SLC52A1: variants seen among roughly 807,000 people sequenced by gnomAD.
The protein encoded by SLC52A1 is solute carrier family 52, riboflavin transporter, member 1.
Under a neutral mutation model 23.2 loss-of-function variants are expected in SLC52A1, and 20 were observed. That is an observed-to-expected ratio of 0.86 (90% CI 0.61 to 1.25). The LOEUF is 1.25. Ranked by LOEUF, SLC52A1 falls within the 50% of genes most tolerant of loss-of-function variation. SLC52A1 has a pLI of 0.00. For missense variants in SLC52A1, 528 were observed against 557.0 expected (o/e 0.95, Z 0.52); for synonymous variants, 260 against 256.6 (o/e 1.01, Z -0.13).
upstream of SLC52A1, among the ~76,000 whole-genome samples, chr17:5,038,769 T>G (rs984742324): frequency 2.6e-5 from 4 of 151,890 alleles, no homozygotes; most frequent in South Asian, 2.1e-4. Flanking sequence ...TTGTATTTTT[T>G]AGTAGAGACG....
At chr17:5,041,329 T>C (rs150879344) in intron 1 of SLC52A1, among the ~76,000 whole-genome samples, 2,143 of 149,900 alleles carry the variant, frequency 0.014, 35 homozygotes, top group Non-Finnish European at 0.02. Flanking sequence ...GTTGCCCAGG[T>C]TCGAGTGCAG....
Position 5,032,883 on chromosome 17 carries a change from AC to A in SLC52A1, c.*73del. ...GTGTTGGGGGAAGCCTGCCTGGGCC[AC>A]AAGTAGTCAGGCACTGTGGCAGCCT... On this transcript the variant is annotated 3_prime_UTR_variant, in exon 5 of 5. Coordinates refer to ENST00000254853, the MANE Select transcript of SLC52A1 (RefSeq NM_017986.4). 1 of 1,392,450 alleles carries A rather than the reference AC, an allele frequency of 7.2e-7. No homozygotes were observed. The highest frequency in any genetic ancestry group is 1.0e-6 in the Non-Finnish European group (1 of 997,172). The allele number at this position is 1,392,450 out of a possible 1,614,324, so 86.3% of individuals were successfully genotyped here.
intron 1 of SLC52A1, among the ~76,000 whole-genome samples, chr17:5,042,343 G>C (rs978158816): frequency 2.6e-5 from 4 of 152,144 alleles, no homozygotes; most frequent in Non-Finnish European, 5.9e-5. Flanking sequence ...CACCACAGAT[G>C]AATGTACTGT....
In SLC52A1 at chr17:5,034,172, G is replaced by A. The variant is rs767554114; in HGVS notation, c.317C>T (p.Ala106Val). Residue 106 changes from alanine (A) to valine (V), a missense_variant, in exon 3 of 5, where the codon GCA becomes GTA. Ala to Val is a moderately conservative substitution (Grantham distance 64). Coordinates refer to ENST00000254853, the MANE Select transcript of SLC52A1 (RefSeq NM_017986.4). ...APLWHHVAPV[A>V]GQLHSVAFLT... is the part of the protein sequence containing the mutation. ...GAAGGCCACAGAGTGGAGCTGCCCT[G>A]CCACTGGGGCCACGTGGTGCCACAG... is the stretch of plus-strand genomic sequence containing the variant. 1.2e-6 allele frequency: 2 copies of A among 1,614,164 alleles called. No individual in the cohort carries two copies. The highest frequency in any genetic ancestry group is 8.5e-7 in the Non-Finnish European group (1 of 1,180,002).
intron 1 of SLC52A1, among the ~76,000 whole-genome samples, chr17:5,041,323 C>T (rs1471704959): frequency 6.6e-6 from 1 of 151,908 alleles, no homozygotes; most frequent in African/African-American, 2.4e-5. Context: ...TGCCCTGTTG[C>T]CCAGGTTCGA....
chr17:5,039,739 T>G (rs1173468116), upstream of SLC52A1, among the ~76,000 whole-genome samples: 1 of 152,174 alleles, frequency 6.6e-6, no homozygotes, highest in Non-Finnish European at 1.5e-5. Flanking sequence ...CCCAAACTGT[T>G]GGGATTACAG....
At chr17:5,034,422 G>T (rs1247646712) in intron 2 of SLC52A1, 55 bp downstream of exon 2, 1 of 1,609,054 alleles carries the variant, frequency 6.2e-7, no homozygotes, top group Non-Finnish European at 8.5e-7. Flanking sequence ...GCTGCCACAG[G>T]CCACCTTTCT....
chr17:5,037,409 C>G (rs1470720477), upstream of SLC52A1, among the ~76,000 whole-genome samples: 2 of 152,058 alleles, frequency 1.3e-5, no homozygotes, highest in Non-Finnish European at 2.9e-5. Flanking sequence ...ATCCCAGCTA[C>G]TCGGGAGGCT....
At chr17:5,038,665 C>T (rs563626268), upstream of SLC52A1, among the ~76,000 whole-genome samples, 5 of 151,974 alleles carry the variant, frequency 3.3e-5, no homozygotes, top group Admixed American at 6.6e-5. Context: ...CGGCTCACTG[C>T]AAGCTCTGCC....
upstream of SLC52A1, among the ~76,000 whole-genome samples, chr17:5,036,620 C>T (rs1597879699): frequency 6.7e-6 from 1 of 149,414 alleles, no homozygotes; most frequent in East Asian, 2.0e-4. Context: ...CCATATTGGC[C>T]AGGCTCGTCT....
At position 5,033,824 on chromosome 17, in the gene SLC52A1, G is replaced by A. The variant is rs1401950380; in HGVS notation, c.665C>T (p.Pro222Leu). ...CCCTGAGCCCCCTGTGGTTACAGAG[G>A]GTAGTGATGGCAACAGCAACAGGAG... is the stretch of plus-strand genomic sequence containing the variant. ...RGLLLLLPSL[P>L]SVTTGGSGPE... The change falls in exon 3 of 5, where the codon CCC (proline) becomes CTC (leucine). Residue 222 changes from proline (P) to leucine (L), a missense_variant. Physicochemically the swap from Pro to Leu is moderately conservative, Grantham distance 98 (BLOSUM62 -3). Coordinates refer to ENST00000254853, the MANE Select transcript of SLC52A1 (RefSeq NM_017986.4). 1.2e-6 allele frequency: 2 copies of A among 1,614,122 alleles called. No individual in the cohort carries two copies. Among genetic ancestry groups the A allele is most frequent in the Non-Finnish European group, 1.7e-6 (2 of 1,180,048 alleles).
upstream of SLC52A1, among the ~76,000 whole-genome samples, chr17:5,039,365 G>T (rs1451558175): frequency 2.0e-5 from 3 of 151,942 alleles, no homozygotes; most frequent in Admixed American, 1.3e-4. Flanking sequence ...ACCTTCCACA[G>T]GTAGGGAGCA....
In SLC52A1 at chr17:5,034,483, G is replaced by A. The variant is rs1197873123; in HGVS notation, c.124C>T (p.Pro42Ser). 2.5e-6 allele frequency: 4 copies of A among 1,614,068 alleles called. No homozygotes were observed. The African/African-American group carries it at 5.3e-5, about 22-fold the overall frequency. Residue 42 changes from proline (P) to serine (S), a missense_variant, in exon 2 of 5, where the codon CCA becomes TCA. Coordinates refer to ENST00000254853, the MANE Select transcript of SLC52A1 (RefSeq NM_017986.4). ...GTACCTCCCTCCCACTCACCCTCTGGAAGGTCTTTTACCACCACAGGCAGC... is the reference window on the plus strand; with the variant it reads ...GTACCTCCCTCCCACTCACCCTCTGAAAGGTCTTTTACCACCACAGGCAGC... ...VELPVVVKDL[P>S]EGWSLPSYLS...
chr17:5,032,609 GA>G lies in SLC52A1; in HGVS notation c.*347del, dbSNP rs1975338100. The G allele has an allele frequency of 9.8e-6, 2 of 203,268 alleles. No individual in the cohort carries two copies. Among genetic ancestry groups the G allele is most frequent in the Non-Finnish European group, 2.0e-5 (2 of 100,498 alleles). The allele number at this position is 203,268 out of a possible 1,614,324, so 12.6% of individuals were successfully genotyped here. A position where few individuals can be genotyped will look rare whatever the true frequency, so the allele number is the denominator to read the frequency against. The stretch of plus-strand genomic sequence containing the variant: ...ATTGCACACTAGATAATATATGTAT[GA>G]AAAATTATTTAATCCAGTTTCCTGA... On this transcript the variant is annotated 3_prime_UTR_variant, in exon 5 of 5. Transcript: ENST00000254853.
At chr17:5,037,523 C>T (rs565026142), upstream of SLC52A1, among the ~76,000 whole-genome samples, 20 of 152,062 alleles carry the variant, frequency 1.3e-4, no homozygotes, top group South Asian at 4.0e-3. Flanking sequence ...CATCCACCCC[C>T]CCAAACAAAA....
At chr17:5,036,300 G>A (rs1451486342), upstream of SLC52A1, among the ~76,000 whole-genome samples, 1 of 151,270 alleles carries the variant, frequency 6.6e-6, no homozygotes, top group Non-Finnish European at 1.5e-5. Context: ...AAAGTGTTGG[G>A]GATTACAGGC....
intron 1 of SLC52A1, among the ~76,000 whole-genome samples, chr17:5,042,204 C>T (rs1385938221): frequency 1.3e-5 from 2 of 152,326 alleles, no homozygotes; most frequent in East Asian, 3.9e-4. Context: ...CCTTCTGGGG[C>T]ACGGGGCTGG....
upstream of SLC52A1, among the ~76,000 whole-genome samples, chr17:5,039,173 A>C (rs1354336916): frequency 1.3e-5 from 2 of 151,290 alleles, no homozygotes; most frequent in African/African-American, 2.4e-5. Context: ...AAATACAAAA[A>C]TCAGCTGGGC....
upstream of SLC52A1, among the ~76,000 whole-genome samples, chr17:5,035,841 G>T (rs1890293160): frequency 6.8e-6 from 1 of 147,722 alleles, no homozygotes; most frequent in South Asian, 2.1e-4. Flanking sequence ...CAAGTAGCTG[G>T]GACCACAGGC....
Sources: gnomAD v4.1 joint callset for allele counts (sites outside exome capture counted in the v4.1 genomes callset) on GRCh38, gnomAD v4.1.1 for gene constraint, MANE v1.5 for transcripts, NCBI Gene and HGNC (gene_info 2026-07-23, HGNC 2026-07-21) for gene names.